The following CLCN3 variants were observed in gnomAD, a reference collection of about 807,000 sequenced individuals.
The protein encoded by CLCN3 is H(+)/Cl(-) exchange transporter 3.
A neutral mutation model predicts 83.4 loss-of-function variants in CLCN3; 16 were observed. The ratio of observed to expected loss-of-function variants is 0.19; its 90% CI spans 0.13 to 0.29. The LOEUF is 0.29. Among genes scored for constraint, CLCN3 ranks in the 10% least tolerant of loss-of-function variants. CLCN3 has a pLI of 1.00. For synonymous variants in CLCN3, 322 were observed against 346.2 expected (o/e 0.93, Z 0.78); for missense variants, 544 against 1,006.0 (o/e 0.54, Z 6.21).
At chr4:169,688,370 A>C (rs896801640) in intron 4 of CLCN3, among the ~76,000 whole-genome samples, 16 of 152,244 alleles carry the variant, frequency 1.1e-4, no homozygotes, top group Non-Finnish European at 1.5e-4. Flanking sequence ...ACCTGAAAAC[A>C]AATATTAAGC....
In CLCN3 at chr4:169,683,657, A is replaced by G. The variant is rs138415438; in HGVS notation, c.318+3450A>G. Reference sequence around the variant, plus strand: ...TCCTAGACCAATCAAATATTTTTCAATATTTTGATCCATGCTTATATGAAC... The same window carrying G: ...TCCTAGACCAATCAAATATTTTTCAGTATTTTGATCCATGCTTATATGAAC... On this transcript the variant is annotated intron_variant, in intron 3 of 12. Transcript: ENST00000513761. Among the ~76,000 whole-genome samples the G allele has an allele frequency of 2.0e-3, 303 of 152,274 alleles. 2 individuals are homozygous for G. The highest frequency in any genetic ancestry group is 3.3e-3 in the Non-Finnish European group (227 of 68,018).
chr4:169,666,222 G>A (rs1360443984), intron 2 of CLCN3, among the ~76,000 whole-genome samples: 1 of 152,094 alleles, frequency 6.6e-6, no homozygotes, highest in African/African-American at 2.4e-5. Flanking sequence ...GTAAGAGTAA[G>A]CATTGTTTAC....
Position 169,721,792 on chromosome 4 carries a change from T to C in CLCN3, c.*1795T>C, listed in dbSNP as rs1313181178. On this transcript the variant is annotated 3_prime_UTR_variant, in exon 13 of 13. Coordinates refer to ENST00000513761, the MANE Select transcript of CLCN3 (RefSeq NM_001829.4). ...AGTTTACTCAAAGGACTGGGCTAAA[T>C]ATTCTGTAATTATGCATTTTTGATA... The C allele has an allele frequency of 1.3e-5, 2 of 152,182 alleles. No homozygotes were observed. Among genetic ancestry groups the C allele is most frequent in the Non-Finnish European group, 2.9e-5 (2 of 68,036 alleles). 9.4% of individuals were successfully genotyped at this position (152,182 alleles called of 1,614,324 possible).
intron 2 of CLCN3, among the ~76,000 whole-genome samples, chr4:169,641,828 T>C (rs897322928): frequency 6.6e-6 from 1 of 152,202 alleles, no homozygotes; most frequent in Admixed American, 6.5e-5. Context: ...ACTAGCTGTC[T>C]CTAAGAGGCG....
chr4:169,637,833 C>T (rs530131686), intron 2 of CLCN3, among the ~76,000 whole-genome samples: 5 of 152,194 alleles, frequency 3.3e-5, no homozygotes, highest in African/African-American at 1.2e-4. Context: ...TGACCCCACA[C>T]CATTTGTTGG....
At chr4:169,639,827 T>C (rs1379847556) in intron 2 of CLCN3, among the ~76,000 whole-genome samples, 1 of 152,212 alleles carries the variant, frequency 6.6e-6, no homozygotes, top group Non-Finnish European at 1.5e-5. Context: ...AAAAAATAAC[T>C]ATTACCAGAA....
intron 2 of CLCN3, among the ~76,000 whole-genome samples, chr4:169,668,944 A>G (rs1731356552): frequency 1.3e-5 from 2 of 152,236 alleles, no homozygotes; most frequent in East Asian, 1.9e-4. Context: ...ACTTGGATCT[A>G]TGTGTTTTCT....
chr4:169,684,638 A>G (rs1732084509), intron 3 of CLCN3, among the ~76,000 whole-genome samples: 1 of 152,184 alleles, frequency 6.6e-6, no homozygotes, highest in South Asian at 2.1e-4. Context: ...GAAGGAAAAT[A>G]TAATATAGGT....
chr4:169,703,179 T>C (rs62346181), intron 9 of CLCN3, among the ~76,000 whole-genome samples: 28,902 of 152,162 alleles, frequency 0.19, 3,521 homozygotes, highest in South Asian at 0.31. Context: ...ATTAGCAAAA[T>C]ATGATACAGA....
chr4:169,670,373 A>G (rs1731409852), intron 2 of CLCN3, among the ~76,000 whole-genome samples: 1 of 152,174 alleles, frequency 6.6e-6, no homozygotes, highest in African/African-American at 2.4e-5. Flanking sequence ...TAAATAGGGA[A>G]TCCTTTCCCC....
Position 169,692,103 on chromosome 4 carries a change from T to A in CLCN3, c.730-11T>A, listed in dbSNP as rs750284908. ...AAAGGACATTAAGCTGCCTTAATCT[T>A]TGCCTTGTAGATTAAAACTATTTTA... On this transcript the variant is annotated splice_polypyrimidine_tract_variant and intron_variant, in intron 6 of 12. Transcript: ENST00000513761. 2.0e-6 allele frequency: 3 copies of A among 1,511,816 alleles called. No individual in the cohort carries two copies. The highest frequency in any genetic ancestry group is 1.1e-5 in the South Asian group (1 of 87,936). The allele number at this position is 1,511,816 out of a possible 1,614,324, so 93.7% of individuals were successfully genotyped here. A position where few individuals can be genotyped will look rare whatever the true frequency, so the allele number is the denominator to read the frequency against.
Position 169,647,115 on chromosome 4 carries a change from G to A in CLCN3, c.160+11027G>A, listed in dbSNP as rs1013704658. ...AATCTTATATGGTTGGCTGGGCGTGGTGGCTCATGCCTGTAATGCCAACAC... is the reference window on the plus strand; with the variant it reads ...AATCTTATATGGTTGGCTGGGCGTGATGGCTCATGCCTGTAATGCCAACAC... On this transcript the variant is annotated intron_variant, in intron 2 of 12. Coordinates refer to ENST00000513761, the MANE Select transcript of CLCN3 (RefSeq NM_001829.4). Among the ~76,000 whole-genome samples, 6 of 152,186 alleles carry A rather than the reference G, an allele frequency of 3.9e-5. No homozygotes were observed. The East Asian group carries it at 1.2e-3, about 29-fold the overall frequency.
chr4:169,624,855 G>A (rs577381324), intron 1 of CLCN3, among the ~76,000 whole-genome samples: 6 of 152,006 alleles, frequency 3.9e-5, no homozygotes, highest in East Asian at 1.9e-4. Context: ...GCAGTGGCGC[G>A]ATCTCAGCTA....
intron 2 of CLCN3, among the ~76,000 whole-genome samples, chr4:169,651,126 G>A (rs1031342990): frequency 7.2e-5 from 11 of 152,000 alleles, no homozygotes; most frequent in African/African-American, 2.4e-4. Flanking sequence ...GAAACTGGTG[G>A]TTTATACCTC....
chr4:169,688,503 C>T (rs1198843768), intron 4 of CLCN3, among the ~76,000 whole-genome samples: 2 of 152,092 alleles, frequency 1.3e-5, no homozygotes, highest in Non-Finnish European at 2.9e-5. Context: ...AATTTTATGG[C>T]CTCTGTGTAT....
chr4:169,710,219 T>C (rs1273704122), intron 11 of CLCN3, among the ~76,000 whole-genome samples: 3 of 152,194 alleles, frequency 2.0e-5, no homozygotes, highest in Non-Finnish European at 4.4e-5. Context: ...GGGGAGAATA[T>C]CTAAAATCCC....
intron 1 of CLCN3, among the ~76,000 whole-genome samples, chr4:169,629,752 T>C (rs1162849091): frequency 2.0e-5 from 3 of 152,196 alleles, no homozygotes; most frequent in Admixed American, 1.3e-4. Flanking sequence ...CGTTCTACAA[T>C]GGCAGACAGA....
At chr4:169,641,798 A>G (rs1285976319) in intron 2 of CLCN3, among the ~76,000 whole-genome samples, 1 of 152,232 alleles carries the variant, frequency 6.6e-6, no homozygotes, top group Non-Finnish European at 1.5e-5. Flanking sequence ...GTAAACGCAG[A>G]AACATGGCAT....
At chr4:169,698,860 G>A (rs1732670343) in intron 9 of CLCN3, among the ~76,000 whole-genome samples, 2 of 152,104 alleles carry the variant, frequency 1.3e-5, no homozygotes, top group African/African-American at 2.4e-5. Flanking sequence ...ATTAAAAGCT[G>A]CCAGCATTCC....
Sources: gnomAD v4.1 joint callset for allele counts (sites outside exome capture counted in the v4.1 genomes callset) on GRCh38, gnomAD v4.1.1 for gene constraint, MANE v1.5 for transcripts, NCBI Gene and HGNC (gene_info 2026-07-23, HGNC 2026-07-21) for gene names.